Variants in EPHA4 observed in about 807,000 individuals in gnomAD.
EPHA4 encodes the protein EPH receptor A4.
In EPHA4, 19 loss-of-function variants were observed where a neutral mutation model predicts 108.3. The observed-to-expected ratio is 0.18, with a 90% CI of 0.12 to 0.26. EPHA4 has a LOEUF of 0.26. EPHA4 is among the 10% of genes least tolerant of loss of function. EPHA4 has a pLI of 1.00. For synonymous variants in EPHA4, 449 were observed against 455.5 expected (o/e 0.99, Z 0.18); for missense variants, 917 against 1,254.0 (o/e 0.73, Z 4.06).
intron 3 of EPHA4, among the ~76,000 whole-genome samples, chr2:221,525,132 C>T (rs188020432): frequency 1.8e-4 from 27 of 152,208 alleles, no homozygotes; most frequent in African/African-American, 4.8e-4. Flanking sequence ...TAAAAATTGA[C>T]GATGCAGACT....
intron 13 of EPHA4, among the ~76,000 whole-genome samples, chr2:221,436,033 A>AATTG (rs1444384915): frequency 6.6e-6 from 1 of 151,860 alleles, no homozygotes; most frequent in Non-Finnish European, 1.5e-5. Flanking sequence ...TTTTCTCAGT[A>AATTG]ATTGATCATT....
intron 12 of EPHA4, among the ~76,000 whole-genome samples, chr2:221,436,856 A>T (rs1690256544): frequency 6.6e-6 from 1 of 152,198 alleles, no homozygotes; most frequent in Non-Finnish European, 1.5e-5. Flanking sequence ...ACAGCTCCAC[A>T]TTACAGGAAT....
chr2:221,492,002 TA>T (rs1242765235), intron 4 of EPHA4, among the ~76,000 whole-genome samples: 3 of 151,496 alleles, frequency 2.0e-5, no homozygotes, highest in Non-Finnish European at 2.9e-5. Context: ...GACTCTGTCT[TA>T]AAAAAAGAAA....
intron 3 of EPHA4, among the ~76,000 whole-genome samples, chr2:221,553,256 A>G (rs1024742188): frequency 1.3e-5 from 2 of 152,224 alleles, no homozygotes; most frequent in African/African-American, 4.8e-5. Flanking sequence ...CAGCTCAGGT[A>G]TTTCTGGGGA....
intron 4 of EPHA4, among the ~76,000 whole-genome samples, chr2:221,484,185 C>T (rs59537821): frequency 0.033 from 5,010 of 152,250 alleles, 162 homozygotes; most frequent in East Asian, 0.077. Flanking sequence ...ATGAAACATA[C>T]TGTTCAAAAT....
intron 15 of EPHA4, 38 bp from the exon 16 acceptor site, chr2:221,426,657 TA>T (rs752490760): frequency 6.4e-7 from 1 of 1,572,978 alleles, no homozygotes; most frequent in Non-Finnish European, 8.6e-7. Context: ...AGAACGGAGC[TA>T]CCAGTGAGAC....
chr2:221,568,717 C>A lies in EPHA4; in HGVS notation c.159+1G>T. ...GGATCAGAGAGCAACTCAGGACTTA[C>A]CCCTCCTTCCAGAGGGCTTGCTATC... is the stretch of plus-strand genomic sequence containing the variant. On this transcript the variant is annotated splice_donor_variant, in intron 2 of 17. Transcript: ENST00000281821. LOFTEE classifies it high-confidence loss of function. The A allele has an allele frequency of 1.2e-6, 2 of 1,612,666 alleles. No homozygotes were observed. The highest frequency in any genetic ancestry group is 1.7e-6 in the Non-Finnish European group (2 of 1,179,116).
chr2:221,514,217 C>G (rs1036054107), intron 3 of EPHA4, among the ~76,000 whole-genome samples: 1 of 152,012 alleles, frequency 6.6e-6, no homozygotes, highest in Admixed American at 6.6e-5. Context: ...TCCTCTGCAC[C>G]CAGTTTGACA....
intron 3 of EPHA4, among the ~76,000 whole-genome samples, chr2:221,511,753 A>G (rs964898469): frequency 6.6e-6 from 1 of 152,234 alleles, no homozygotes; most frequent in African/African-American, 2.4e-5. Context: ...AGAGATGACA[A>G]TTTAAAAATA....
intron 3 of EPHA4, among the ~76,000 whole-genome samples, chr2:221,514,755 A>C (rs1225947344): frequency 6.6e-6 from 1 of 152,188 alleles, no homozygotes; most frequent in Non-Finnish European, 1.5e-5. Context: ...ACGATGGGTG[A>C]AAAATTGATA....
intron 14 of EPHA4, 120 bp downstream of exon 14, chr2:221,434,022 G>T (rs1690157826): frequency 3.1e-6 from 3 of 952,812 alleles, no homozygotes; most frequent in Non-Finnish European, 4.6e-6. Context: ...AGATATATCT[G>T]TATTAAGAAA....
chr2:221,552,805 C>G (rs1299621599), intron 3 of EPHA4, among the ~76,000 whole-genome samples: 2 of 152,034 alleles, frequency 1.3e-5, no homozygotes. Context: ...GAAATTTGAT[C>G]GAGTATTTTA....
At chr2:221,527,722 C>T (rs935959177) in intron 3 of EPHA4, among the ~76,000 whole-genome samples, 2 of 152,160 alleles carry the variant, frequency 1.3e-5, no homozygotes, top group East Asian at 1.9e-4. Context: ...AAGATATCAG[C>T]GGTTTATATT....
intron 5 of EPHA4, among the ~76,000 whole-genome samples, chr2:221,475,935 T>C (rs1357058371): frequency 1.3e-5 from 2 of 152,132 alleles, no homozygotes; most frequent in Non-Finnish European, 2.9e-5. Flanking sequence ...ATATCATCAT[T>C]TGGCCAGGTG....
At chr2:221,555,383 G>GAA (rs1694276542) in intron 3 of EPHA4, among the ~76,000 whole-genome samples, 2 of 152,188 alleles carry the variant, frequency 1.3e-5, no homozygotes, top group Non-Finnish European at 2.9e-5. Context: ...TTTTGCATGA[G>GAA]GACGAATACA....
At chr2:221,500,556 C>A (rs1692458154) in intron 4 of EPHA4, among the ~76,000 whole-genome samples, 1 of 152,170 alleles carries the variant, frequency 6.6e-6, no homozygotes, top group Admixed American at 6.5e-5. Context: ...CTTATGAACA[C>A]AAAACTATGA....
intron 3 of EPHA4, among the ~76,000 whole-genome samples, chr2:221,527,035 G>C (rs554715725): frequency 1.3e-5 from 2 of 151,736 alleles, no homozygotes; most frequent in Non-Finnish European, 2.9e-5. Flanking sequence ...GCTAAGGCAG[G>C]AGAATGGCGT....
chr2:221,510,539 A>G (rs369464538), intron 3 of EPHA4, among the ~76,000 whole-genome samples: 1 of 152,330 alleles, frequency 6.6e-6, no homozygotes, highest in African/African-American at 2.4e-5. Context: ...GAAAAAAACT[A>G]TGCTGAAAAT....
intron 3 of EPHA4, among the ~76,000 whole-genome samples, chr2:221,546,658 G>A (rs945939764): frequency 1.3e-5 from 2 of 152,132 alleles, no homozygotes; most frequent in Non-Finnish European, 2.9e-5. Context: ...CTATGGCTTA[G>A]AAGAGGCTTT....
Sources: allele counts gnomAD v4.1 joint callset (sites outside exome capture counted in the v4.1 genomes callset), GRCh38; gene constraint gnomAD v4.1.1; transcripts MANE v1.5; gene names NCBI Gene and HGNC (gene_info 2026-07-23, HGNC 2026-07-21).